The following TRRAP variants were observed in gnomAD, a reference collection of about 807,000 sequenced individuals.
TRRAP encodes the protein transformation/transcription domain associated protein.
In TRRAP, 41 loss-of-function variants were observed where a neutral mutation model predicts 438.8. The ratio of observed to expected loss-of-function variants is 0.09; its 90% confidence interval spans 0.07 to 0.12. The LOEUF is 0.12. TRRAP is among the 10% of genes least tolerant of loss of function. TRRAP has a pLI of 1.00. For synonymous variants in TRRAP, 1,994 were observed against 1,962.9 expected, an observed-to-expected ratio of 1.02 and a Z score of -0.42; for missense variants, 3,122 against 5,055.1, an observed-to-expected ratio of 0.62 and a Z score of 11.60.
rs201649471 is a variant in TRRAP at position 98,881,102 on chromosome 7, C to T, written c.-49C>T. On this transcript the variant is annotated 5_prime_UTR_variant, in exon 2 of 73. Transcript: ENST00000456197. ...CTTCTTTTCATAGGCTGGTTGAACTCATGGACCTGATACTTTTCTCTTGAG... is the reference window on the plus strand; with the variant it reads ...CTTCTTTTCATAGGCTGGTTGAACTTATGGACCTGATACTTTTCTCTTGAG... The T allele has an allele frequency of 4.4e-5, 68 of 1,532,182 alleles. No individual in the cohort carries two copies. The highest frequency in any genetic ancestry group is 6.1e-5 in the Non-Finnish European group (68 of 1,119,848). 94.9% of individuals were successfully genotyped at this position (1,532,182 alleles called of 1,614,324 possible).
At chr7:98,946,686 A>G (rs1437001331) in intron 33 of TRRAP, among the ~76,000 whole-genome samples, 1 of 152,122 alleles carries the variant, frequency 6.6e-6, no homozygotes, top group Non-Finnish European at 1.5e-5. Context: ...CACATACCAC[A>G]CATGCACACA....
At position 98,912,001 on chromosome 7, in the gene TRRAP, ATG is replaced by A. The variant is rs1481642003; in HGVS notation, c.2008-17_2008-16del. On this transcript the variant is annotated intron_variant, in intron 17 of 72. Transcript: ENST00000456197. Reference sequence around the variant, plus strand: ...TTTGGGGAAGGGATTAATTTTTCACATGTGTTTCTTGTATTGACAGATTGTTG... The same window carrying A: ...TTTGGGGAAGGGATTAATTTTTCACATGTTTCTTGTATTGACAGATTGTTG... 6 of 1,598,940 alleles carry A rather than the reference ATG, an allele frequency of 3.8e-6. No homozygotes were observed. The highest frequency in any genetic ancestry group is 1.3e-5 in the African/African-American group (1 of 74,362).
intron 1 of TRRAP, among the ~76,000 whole-genome samples, chr7:98,878,985 G>C (rs1298030428): frequency 6.6e-6 from 1 of 152,076 alleles, no homozygotes; most frequent in African/African-American, 2.4e-5. Context: ...TGGGACGTTG[G>C]GGGCCTGTCC....
chr7:98,908,989 C>T lies in TRRAP; in HGVS notation c.1350+27C>T. 1 of 1,578,584 alleles carries T rather than the reference C, an allele frequency of 6.3e-7. No individual in the cohort carries two copies. The highest frequency in any genetic ancestry group is 8.7e-7 in the Non-Finnish European group (1 of 1,152,946). On this transcript the variant is annotated intron_variant, in intron 14 of 72. Coordinates refer to ENST00000456197, the MANE Select transcript of TRRAP (RefSeq NM_001375524.1). This position sits in a 1 kb window ranked among gnomAD's most constrained non-coding sequence, Gnocchi z 4.1. ...TACCAGCTCTTCTGAGAGTATCATC[C>T]ATCCTGCACTCTATCCTGTTTGTGG...
rs782620276 is a variant in TRRAP, at chr7:98,930,713, G to T, written c.3474G>T (p.Leu1158=). ...CCYEQAWYAK[L]GGVVSIKFLM... is the part of the protein sequence containing the mutation. ...ATGAACAGGCGTGGTATGCAAAGCT[G>T]GGGGGTGTGGTGTCTATTAAGTTTC... Residue 1158 remains leucine, a synonymous_variant, in exon 25 of 73, where the codon CTG becomes CTT. Transcript: ENST00000456197. 10 of 1,614,108 alleles carry T rather than the reference G, an allele frequency of 6.2e-6. No individual in the cohort carries two copies. The highest frequency in any genetic ancestry group is 8.5e-6 in the Non-Finnish European group (10 of 1,180,056).
At chr7:98,920,337 A>C (rs781813660) in intron 20 of TRRAP, among the ~76,000 whole-genome samples, 1 of 152,082 alleles carries the variant, frequency 6.6e-6, no homozygotes, top group Non-Finnish European at 1.5e-5. Context: ...ATGGTGGTGC[A>C]TGCCTGTAAT....
Position 98,948,091 on chromosome 7 carries a change from A to C in TRRAP, c.4549-130A>C. 1 of 1,339,800 alleles carries C rather than the reference A, an allele frequency of 7.5e-7. No homozygotes were observed. The highest frequency in any genetic ancestry group is 1.0e-6 in the Non-Finnish European group (1 of 967,872). The allele number at this position is 1,339,800 out of a possible 1,614,324, so 83.0% of individuals were successfully genotyped here. A position where few individuals can be genotyped will look rare whatever the true frequency, so the allele number is the denominator to read the frequency against. The stretch of plus-strand genomic sequence containing the variant: ...AAGGCTAGTAAGTTGTGGCTTTTAC[A>C]TGTGAACCCTTCGCTTCACTGCCTA... On this transcript the variant is annotated intron_variant, in intron 33 of 72. Transcript: ENST00000456197. The surrounding 1 kb of genome is among the most constrained non-coding windows in gnomAD (Gnocchi z 4.9).
At chr7:98,995,058 G>T (rs999169816) in intron 67 of TRRAP, among the ~76,000 whole-genome samples, 6 of 152,218 alleles carry the variant, frequency 3.9e-5, no homozygotes, top group African/African-American at 1.4e-4. Flanking sequence ...AGCAGGAGCT[G>T]CCAGGATCCA....
In TRRAP at chr7:99,005,255, C is replaced by T; in HGVS notation, c.10660C>T (p.Arg3554Trp). 1.2e-6 allele frequency: 2 copies of T among 1,614,170 alleles called. No homozygotes were observed. Among genetic ancestry groups the T allele is most frequent in the Non-Finnish European group, 1.7e-6 (2 of 1,180,038 alleles). The change falls in exon 69 of 73, where the codon CGG (arginine) becomes TGG (tryptophan). Residue 3554 changes from arginine (R) to tryptophan (W), a missense_variant. By Grantham distance (101) the Arg-to-Trp change is moderately radical. This residue lies in a region of TRRAP where 95 missense variants were observed against 144.1 expected (regional missense o/e 0.66). Transcript: ENST00000456197. The surrounding 1 kb of genome is among the most constrained non-coding windows in gnomAD (Gnocchi z 5.1). ...VMNDACLTES[R>W]REERVLQLLR... ...GAACGACGCCTGCCTCACAGAGTCA[C>T]GGCGAGAGGAGCGTGTGTTGCAGCT...
intron 21 of TRRAP, among the ~76,000 whole-genome samples, chr7:98,923,717 G>A (rs782231723): frequency 2.0e-5 from 3 of 152,206 alleles, no homozygotes; most frequent in African/African-American, 2.4e-5. Context: ...TGTGCACTGC[G>A]TGTCTCTAAG....
chr7:98,980,142 A>G (rs918640416), intron 58 of TRRAP, among the ~76,000 whole-genome samples: 12 of 152,200 alleles, frequency 7.9e-5, no homozygotes, highest in African/African-American at 2.9e-4. Context: ...TCGAGAACTA[A>G]GAGGTACCAT....
intron 67 of TRRAP, among the ~76,000 whole-genome samples, chr7:98,995,732 G>A (rs1793622299): frequency 8.0e-6 from 1 of 124,918 alleles, no homozygotes; most frequent in Non-Finnish European, 1.6e-5. Context: ...ACGCACCCAC[G>A]TCCCGTCCAT....
intron 40 of TRRAP, among the ~76,000 whole-genome samples, 181 bp from the exon 41 acceptor site, chr7:98,954,917 G>A (rs986102074): frequency 2.6e-5 from 4 of 152,228 alleles, no homozygotes; most frequent in Non-Finnish European, 5.9e-5. Context: ...ATACTAGAAT[G>A]AATGTATTCA....
At chr7:98,962,871 G>T (rs570550964) in intron 47 of TRRAP, among the ~76,000 whole-genome samples, 1 of 152,316 alleles carries the variant, frequency 6.6e-6, no homozygotes, top group East Asian at 1.9e-4. Context: ...CTCCTTAGGT[G>T]ATCAGGGCAG....
At chr7:98,904,112 T>C (rs1484227690) in intron 12 of TRRAP, among the ~76,000 whole-genome samples, 1 of 152,102 alleles carries the variant, frequency 6.6e-6, no homozygotes, top group Non-Finnish European at 1.5e-5. Flanking sequence ...ACCCAACCTC[T>C]TTCCAGTACT....
chr7:98,903,546 C>G (rs782013428), intron 12 of TRRAP, 29 bp downstream of exon 12: 8 of 1,613,022 alleles, frequency 5.0e-6, no homozygotes, highest in Non-Finnish European at 6.8e-6. Flanking sequence ...GTCTTGAATG[C>G]TGATGCTAGT....
At chr7:98,918,048 G>A (rs1283642085) in intron 20 of TRRAP, among the ~76,000 whole-genome samples, 1 of 151,400 alleles carries the variant, frequency 6.6e-6, no homozygotes, top group African/African-American at 2.4e-5. Flanking sequence ...TGAGCCCAGG[G>A]AGGTTGAGGC....
intron 68 of TRRAP, 136 bp downstream of exon 68, chr7:99,004,551 G>A: frequency 1.3e-6 from 1 of 788,626 alleles, no homozygotes; most frequent in Non-Finnish European, 2.0e-6. Flanking sequence ...AGATGATTCT[G>A]GAATGTAAGT....
At chr7:98,975,444 G>A (rs1440745233) in intron 53 of TRRAP, among the ~76,000 whole-genome samples, 1 of 152,198 alleles carries the variant, frequency 6.6e-6, no homozygotes, top group Non-Finnish European at 1.5e-5. Flanking sequence ...GCCTCAGGCA[G>A]ACCTAGAAAC....
Sources: allele counts gnomAD v4.1 joint callset (sites outside exome capture counted in the v4.1 genomes callset), GRCh38; gene constraint gnomAD v4.1.1; regional missense constraint gnomAD v4.1.1; non-coding constraint Gnocchi (gnomAD v3.1); transcripts MANE v1.5; gene names NCBI Gene and HGNC (gene_info 2026-07-23, HGNC 2026-07-21).